Variants in CIAPIN1 observed in about 807,000 individuals in gnomAD.
CIAPIN1 encodes cytokine induced apoptosis inhibitor 1, also known as anamorsin.
In CIAPIN1, 18 loss-of-function variants were observed where a neutral mutation model predicts 34.3. The observed-to-expected ratio is 0.52, with a 90% confidence interval of 0.36 to 0.78. The LOEUF is 0.78. CIAPIN1 is among the 30% of genes least tolerant of loss of function. The pLI, the probability that CIAPIN1 is intolerant of heterozygous loss-of-function variation, is 0.00. For missense variants in CIAPIN1, 310 were observed against 372.5 expected (o/e 0.83, Z 1.38); for synonymous variants, 131 against 140.4 (o/e 0.93, Z 0.47).
chr16:57,432,038 C>T (rs1025299912), intron 6 of CIAPIN1, among the ~76,000 whole-genome samples: 5 of 152,156 alleles, frequency 3.3e-5, no homozygotes, highest in African/African-American at 9.7e-5. Context: ...CATGGCCAAG[C>T]GCAGTGGCTC....
chr16:57,432,265 A>T (rs550847496), intron 6 of CIAPIN1, among the ~76,000 whole-genome samples: 2 of 152,280 alleles, frequency 1.3e-5, no homozygotes, highest in Non-Finnish European at 2.9e-5. Context: ...GTAAGCCGAG[A>T]TTGTGCCATT....
Position 57,447,368 on chromosome 16 carries a change from C to T in CIAPIN1, c.-82G>A. On this transcript the variant is annotated 5_prime_UTR_variant, in exon 1 of 9. Transcript: ENST00000394391. ...TGCCGCCTGGGCTCGCTCCCGGCTT[C>T]TCTCCAGCCGTCGACTCCACGCCTT... is the stretch of plus-strand genomic sequence containing the variant. 2 of 828,466 alleles carry T rather than the reference C, an allele frequency of 2.4e-6. No homozygotes were observed. The highest frequency in any genetic ancestry group is 3.2e-6 in the Non-Finnish European group (2 of 618,360). 51.3% of individuals were successfully genotyped at this position (828,466 alleles called of 1,614,324 possible).
At chr16:57,431,434 GC>G in intron 6 of CIAPIN1, 168 bp from the exon 7 acceptor site, 1 of 511,630 alleles carries the variant, frequency 2.0e-6, no homozygotes, top group East Asian at 3.0e-5. Flanking sequence ...TGCTCAAGAG[GC>G]CAACGGTGAG....
At chr16:57,446,009 C>T (rs574223025) in intron 1 of CIAPIN1, among the ~76,000 whole-genome samples, 4 of 152,030 alleles carry the variant, frequency 2.6e-5, no homozygotes, top group African/African-American at 9.7e-5. Context: ...CCACACCCAG[C>T]TAATTTTTGT....
At chr16:57,444,656 C>T (rs1001133903) in intron 1 of CIAPIN1, among the ~76,000 whole-genome samples, 43 of 152,228 alleles carry the variant, frequency 2.8e-4, no homozygotes, top group Admixed American at 2.8e-3. Context: ...TTATGAACTA[C>T]ATTCATTAAA....
rs560749994 is a variant in CIAPIN1, at chr16:57,440,933, G to T, written c.-5C>A. On this transcript the variant is annotated 5_prime_UTR_variant, in exon 2 of 9. Coordinates refer to ENST00000394391, the MANE Select transcript of CIAPIN1 (RefSeq NM_020313.4). ...AGAGATCCCAAAATCTGCCATTCTT[G>T]CAGTGCAGTACTGACAGACCTAAAA... 8.4e-5 allele frequency: 135 copies of T among 1,612,290 alleles called. No individual in the cohort carries two copies. In the East Asian group the frequency reaches 3.0e-3, roughly 36 times the overall value.
intron 6 of CIAPIN1, among the ~76,000 whole-genome samples, chr16:57,432,039 G>A (rs779680237): frequency 1.3e-5 from 2 of 151,766 alleles, no homozygotes; most frequent in Non-Finnish European, 2.9e-5. Flanking sequence ...ATGGCCAAGC[G>A]CAGTGGCTCA....
At position 57,434,155 on chromosome 16, in the gene CIAPIN1, G is replaced by A; in HGVS notation, c.445C>T (p.His149Tyr). 4 of 1,614,050 alleles carry A rather than the reference G, an allele frequency of 2.5e-6. No individual in the cohort carries two copies. Among genetic ancestry groups the A allele is most frequent in the Non-Finnish European group, 3.4e-6 (4 of 1,179,994 alleles). The change falls in exon 5 of 9, where the codon CAT (histidine) becomes TAT (tyrosine). Residue 149 changes from histidine to tyrosine, a missense_variant. His to Tyr is a moderately conservative substitution (Grantham distance 83). Coordinates refer to ENST00000394391, the MANE Select transcript of CIAPIN1 (RefSeq NM_020313.4). ...ACAAACAGCAGGTTGTCACTTTCAT[G>A]ACCAAGGTGTTCTCGAACAGACTGT... ...EVQSVREHLG[H>Y]ESDNLLFVQI... is the part of the protein sequence containing the mutation.
At chr16:57,446,900 C>G (rs980293295) in intron 1 of CIAPIN1, among the ~76,000 whole-genome samples, 1 of 152,182 alleles carries the variant, frequency 6.6e-6, no homozygotes, top group South Asian at 2.1e-4. Context: ...AGGTACCCCC[C>G]GACTCCAAGG....
At chr16:57,431,322 C>T in intron 6 of CIAPIN1, 56 bp from the exon 7 acceptor site, 2 of 1,194,752 alleles carry the variant, frequency 1.7e-6, no homozygotes, top group Non-Finnish European at 2.5e-6. Flanking sequence ...TAATGAAAAG[C>T]TAAAGTGACT....
intron 2 of CIAPIN1, 100 bp from the exon 3 acceptor site, chr16:57,439,434 A>G: frequency 8.4e-7 from 1 of 1,193,976 alleles, no homozygotes; most frequent in Non-Finnish European, 1.2e-6. Flanking sequence ...ACCCTGAGAG[A>G]ATGGACACCA....
chr16:57,429,225 G>T lies in CIAPIN1; in HGVS notation c.884C>A (p.Ala295Asp). 6.2e-7 allele frequency: 1 copy of T among 1,613,830 alleles called. No homozygotes were observed. Among genetic ancestry groups the T allele is most frequent in the Non-Finnish European group, 8.5e-7 (1 of 1,180,010 alleles). Residue 295 changes from alanine (A) to aspartate (D), a missense_variant, in exon 9 of 9, where the codon GCC becomes GAC. Physicochemically the swap from Ala to Asp is moderately radical, Grantham distance 126 (BLOSUM62 -2). Transcript: ENST00000394391. ...AAGCACCTTTTCCCCAGGTTTGAAGGCTGGCATCCCAAGGTAGGGGCAGCT... is the reference window on the plus strand; with the variant it reads ...AAGCACCTTTTCCCCAGGTTTGAAGTCTGGCATCCCAAGGTAGGGGCAGCT... ...CASCPYLGMP[A>D]FKPGEKVLLS... is the part of the protein sequence containing the mutation.
chr16:57,442,301 G>A (rs754058145), intron 1 of CIAPIN1, among the ~76,000 whole-genome samples: 3 of 152,244 alleles, frequency 2.0e-5, no homozygotes, highest in South Asian at 2.1e-4. Context: ...AGCCAAGATC[G>A]TGCCGCTGCA....
chr16:57,434,400 T>G (rs954363812), intron 4 of CIAPIN1, among the ~76,000 whole-genome samples, 188 bp from the exon 5 acceptor site: 4 of 152,212 alleles, frequency 2.6e-5, no homozygotes, highest in Non-Finnish European at 5.9e-5. Flanking sequence ...AACCTTTGTC[T>G]GCATGTTTAC....
intron 8 of CIAPIN1, 100 bp from the exon 9 acceptor site, chr16:57,429,380 A>T: frequency 1.3e-6 from 1 of 757,838 alleles, no homozygotes; most frequent in Non-Finnish European, 2.3e-6. Context: ...CAGTGGCCTG[A>T]AGGAAATGGC....
Position 57,436,258 on chromosome 16 carries a change from C to CG in CIAPIN1, c.387+397dup, listed in dbSNP as rs565212491. ...TTTTGTTTTTTTTGAGACAGAGTCT[C>CG]GCTCTGTCGCCCAGGCTGGAGGGCA... On this transcript the variant is annotated intron_variant, in intron 4 of 8. Transcript: ENST00000394391. Among the ~76,000 whole-genome samples the CG allele has an allele frequency of 7.2e-5, 11 of 152,256 alleles. No homozygotes were observed. The East Asian group carries it at 1.7e-3, about 24-fold the overall frequency.
At position 57,428,885 on chromosome 16, in the gene CIAPIN1, C is replaced by T. The variant is rs1903013730; in HGVS notation, c.*285G>A. On this transcript the variant is annotated 3_prime_UTR_variant, in exon 9 of 9. Transcript: ENST00000394391. ...AAGAGCGTTCTGGTCAGCATTTTAA[C>T]ATCAGAAGAAGGGCTTCTTCAGGAC... is the stretch of plus-strand genomic sequence containing the variant. 6.1e-6 allele frequency: 2 copies of T among 327,644 alleles called. No individual in the cohort carries two copies. Among genetic ancestry groups the T allele is most frequent in the Non-Finnish European group, 1.1e-5 (2 of 176,126 alleles). 20.3% of individuals were successfully genotyped at this position (327,644 alleles called of 1,614,324 possible).
chr16:57,432,709 T>C, intron 5 of CIAPIN1, 149 bp from the exon 6 acceptor site: 3 of 661,834 alleles, frequency 4.5e-6, no homozygotes, highest in Non-Finnish European at 7.7e-6. Context: ...TCTACCCCTC[T>C]GAGAGGTCTG....
chr16:57,440,447 G>T (rs533576958), intron 2 of CIAPIN1, among the ~76,000 whole-genome samples: 1 of 152,154 alleles, frequency 6.6e-6, no homozygotes, highest in African/African-American at 2.4e-5. Context: ...ATAAAAACTT[G>T]CTGGTTTTGC....
Sources: allele counts gnomAD v4.1 joint callset (sites outside exome capture counted in the v4.1 genomes callset), GRCh38; gene constraint gnomAD v4.1.1; transcripts MANE v1.5; gene names NCBI Gene and HGNC (gene_info 2026-07-23, HGNC 2026-07-21).